The following ABHD6 variants were observed in gnomAD, a reference collection of about 807,000 sequenced individuals.
ABHD6 encodes the protein monoacylglycerol lipase ABHD6.
ABHD6 carries 33 observed loss-of-function variants against 38.8 expected under a neutral mutation model. That is an observed-to-expected ratio of 0.85 (90% CI 0.64 to 1.14). The LOEUF is 1.14. Among genes scored for constraint, ABHD6 ranks in the 50% most tolerant of loss-of-function variants. The pLI is 0.00. For missense variants in ABHD6, 380 were observed against 422.6 expected (o/e 0.90, Z 0.88); for synonymous variants, 147 against 161.6 (o/e 0.91, Z 0.69).
chr3:58,245,827 A>G lies in ABHD6; in HGVS notation c.-90-4051A>G, dbSNP rs66487457. Among the ~76,000 whole-genome samples the G allele has an allele frequency of 5.6e-3, 851 of 150,992 alleles. 5 individuals carry two copies. Among genetic ancestry groups the G allele is most frequent in the African/African-American group, 0.019 (778 of 41,058 alleles). On this transcript the variant is annotated intron_variant, in intron 1 of 9. Coordinates refer to ENST00000478253, the MANE Select transcript of ABHD6 (RefSeq NM_001320126.2). ...AGGAGAGAGAAGAAAGAAAGAAAGA[A>G]AAAGAAAGAAAGAACAAAAAAAGAA... is the stretch of plus-strand genomic sequence containing the variant.
At chr3:58,241,327 T>G in intron 1 of ABHD6, among the ~76,000 whole-genome samples, 1 of 152,172 alleles carries the variant, frequency 6.6e-6, no homozygotes, top group Non-Finnish European at 1.5e-5. Flanking sequence ...TATTTGACGC[T>G]TCCCAATCCT....
rs573639854 is a variant in ABHD6 at position 58,290,700 on chromosome 3, G to A, written c.838-2889G>A. On this transcript the variant is annotated intron_variant, in intron 9 of 9. Transcript: ENST00000478253. The stretch of plus-strand genomic sequence containing the variant: ...CAGAGACGCTTCTCACCTCCCAGAC[G>A]GGGTCGCGGCCGGGCAGAGGCGCTC... 1.5e-3 allele frequency among the ~76,000 whole-genome samples: 233 copies of A among 151,800 alleles called. 4 individuals carry two copies. In the South Asian group the frequency reaches 0.025, roughly 17 times the overall value.
chr3:58,280,254 A>G (rs1325115239), intron 7 of ABHD6, among the ~76,000 whole-genome samples: 1 of 152,164 alleles, frequency 6.6e-6, no homozygotes, highest in African/African-American at 2.4e-5. Flanking sequence ...GTATTTTCAC[A>G]TAGTCCCGTA....
rs994972109 is a variant in ABHD6 at position 58,262,117 on chromosome 3, A to T, written c.120-5072A>T. Among the ~76,000 whole-genome samples the T allele has an allele frequency of 1.8e-4, 27 of 152,334 alleles. No homozygotes were observed. In the South Asian group the frequency reaches 4.3e-3, roughly 25 times the overall value. ...AAAAGGACAAATTTTGTATGATTCC[A>T]CTTTTACCCAGAATAGACAAACTCA... On this transcript the variant is annotated intron_variant, in intron 3 of 9. Transcript: ENST00000478253.
At position 58,293,257 on chromosome 3, in the gene ABHD6, A is replaced by T. The variant is rs2097464601; in HGVS notation, c.838-332A>T. Among the ~76,000 whole-genome samples, 3 of 152,084 alleles carry T rather than the reference A, an allele frequency of 2.0e-5. No homozygotes were observed. Among genetic ancestry groups the T allele is most frequent in the African/African-American group, 7.2e-5 (3 of 41,406 alleles). ...TCTGCTCTCCCGGGACTCAGGAACG[A>T]GGTCTTCCCTCGACCCTGCTCATCC... On this transcript the variant is annotated intron_variant, in intron 9 of 9. Coordinates refer to ENST00000478253, the MANE Select transcript of ABHD6 (RefSeq NM_001320126.2). This position sits in a 1 kb window ranked among gnomAD's most constrained non-coding sequence, Gnocchi z 4.4.
At position 58,247,183 on chromosome 3, in the gene ABHD6, AGT is replaced by A. The variant is rs540687354; in HGVS notation, c.-90-2694_-90-2693del. On this transcript the variant is annotated intron_variant, in intron 1 of 9. Transcript: ENST00000478253. ...ACGCCTGGCTAATTTTTGTATTTTT[AGT>A]AGAGGTGGGGTCTTGCTATGTTGCC... Among the ~76,000 whole-genome samples, 21 of 151,796 alleles carry A rather than the reference AGT, an allele frequency of 1.4e-4. No individual in the cohort carries two copies. The East Asian group carries it at 4.1e-3, about 30-fold the overall frequency.
At position 58,285,117 on chromosome 3, in the gene ABHD6, TCA is replaced by T; in HGVS notation, c.715_716del (p.His239Ter). ...AAGGCCTTGTCGATGTCCGCATCCC[TCA>T]TAACAACTTCTACCGAAAGTGTAAG... is the stretch of plus-strand genomic sequence containing the variant. ...LQGLVDVRIP[H>X]NNFYRKLFLE... On this transcript the variant is annotated frameshift_variant, in exon 8 of 10. Coordinates refer to ENST00000478253, the MANE Select transcript of ABHD6 (RefSeq NM_001320126.2). LOFTEE classifies it high-confidence loss of function. The surrounding 1 kb of genome is among the most constrained non-coding windows in gnomAD (Gnocchi z 4.9). 6.2e-7 allele frequency: 1 copy of T among 1,614,212 alleles called. No individual in the cohort carries two copies. Among genetic ancestry groups the T allele is most frequent in the Non-Finnish European group, 8.5e-7 (1 of 1,180,028 alleles).
At chr3:58,255,052 T>C (rs1213127893) in intron 2 of ABHD6, among the ~76,000 whole-genome samples, 1 of 152,088 alleles carries the variant, frequency 6.6e-6, no homozygotes, top group African/African-American at 2.4e-5. Flanking sequence ...GAATGAACTG[T>C]ATTATAAGCT....
chr3:58,274,507 C>T (rs906079988), intron 6 of ABHD6, 151 bp from the exon 7 acceptor site: 14 of 770,640 alleles, frequency 1.8e-5, no homozygotes, highest in Non-Finnish European at 2.8e-5. Context: ...TTGATTTGAG[C>T]AAGGATGGCA....
rs916096205 is a variant in ABHD6, at chr3:58,251,089, G to GC, written c.-26+1148dup. On this transcript the variant is annotated intron_variant, in intron 2 of 9. Coordinates refer to ENST00000478253, the MANE Select transcript of ABHD6 (RefSeq NM_001320126.2). The surrounding 1 kb of genome is among the most constrained non-coding windows in gnomAD (Gnocchi z 5.4). ...AATCCCAGCACTTTGGGAGGCCGAG[G>GC]CGGGGGGGATCACCTGAGGTCAGGA... Among the ~76,000 whole-genome samples, 2 of 151,630 alleles carry GC rather than the reference G, an allele frequency of 1.3e-5. No homozygotes were observed. The highest frequency in any genetic ancestry group is 4.9e-5 in the African/African-American group (2 of 40,988).
chr3:58,256,076 A>AACACAC lies in ABHD6; in HGVS notation c.-25-458_-25-453dup, dbSNP rs769155755. Among the ~76,000 whole-genome samples, 305 of 65,550 alleles carry AACACAC rather than the reference A, an allele frequency of 4.7e-3. 2 individuals are homozygous for AACACAC. The highest frequency in any genetic ancestry group is 0.018 in the African/African-American group (177 of 9,830). 43.0% of individuals were successfully genotyped at this position (65,550 alleles called of 152,430 possible). A position where few individuals can be genotyped will look rare whatever the true frequency, so the allele number is the denominator to read the frequency against. ...TATTTCTCTCTCTTTTCCTCCCACC[A>AACACAC]ACACACACACACACACACACACACA... On this transcript the variant is annotated intron_variant, in intron 2 of 9. Coordinates refer to ENST00000478253, the MANE Select transcript of ABHD6 (RefSeq NM_001320126.2). This position sits in a 1 kb window ranked among gnomAD's most constrained non-coding sequence, Gnocchi z 4.3.
chr3:58,283,750 G>A (rs986134672), intron 7 of ABHD6, among the ~76,000 whole-genome samples: 2 of 152,180 alleles, frequency 1.3e-5, no homozygotes, highest in African/African-American at 4.8e-5. Flanking sequence ...TAGATAGGTA[G>A]ACAAATGCAT....
rs140661429 is a variant in ABHD6, at chr3:58,282,503, G to A, written c.682-2582G>A. On this transcript the variant is annotated intron_variant, in intron 7 of 9. Coordinates refer to ENST00000478253, the MANE Select transcript of ABHD6 (RefSeq NM_001320126.2). The stretch of plus-strand genomic sequence containing the variant: ...TCCCAGCACTTTGGGAGGCCAAGGC[G>A]GGTGGATTGTGTAAATGCAGGAGTT... Among the ~76,000 whole-genome samples the A allele has an allele frequency of 4.1e-3, 623 of 152,264 alleles. 5 individuals are homozygous for A. Among genetic ancestry groups the A allele is most frequent in the African/African-American group, 0.014 (571 of 41,554 alleles).
At chr3:58,248,098 G>A (rs956801855) in intron 1 of ABHD6, among the ~76,000 whole-genome samples, 4 of 152,102 alleles carry the variant, frequency 2.6e-5, no homozygotes, top group African/African-American at 9.7e-5. Flanking sequence ...TTCAGTGTTA[G>A]GGTATTACTC....
chr3:58,288,486 CTAT>C (rs1374935712), intron 9 of ABHD6, among the ~76,000 whole-genome samples: 3 of 152,212 alleles, frequency 2.0e-5, no homozygotes, highest in Non-Finnish European at 4.4e-5. Context: ...GACAGACAGG[CTAT>C]TATTCTTTAT....
chr3:58,286,838 G>GTATATATATATATA (rs2097457361), intron 9 of ABHD6, among the ~76,000 whole-genome samples: 1 of 37,658 alleles, frequency 2.7e-5, no homozygotes, highest in South Asian at 1.5e-3. Context: ...GTGTGTGTGT[G>GTATATATATATATA]TGTGTGTGTG....
chr3:58,252,505 C>T (rs929239596), intron 2 of ABHD6, among the ~76,000 whole-genome samples: 2 of 152,086 alleles, frequency 1.3e-5, no homozygotes, highest in Non-Finnish European at 2.9e-5. Context: ...TGAGCCACCA[C>T]GCCCAGCTGT....
At chr3:58,254,649 G>T (rs2097432010) in intron 2 of ABHD6, among the ~76,000 whole-genome samples, 2 of 152,106 alleles carry the variant, frequency 1.3e-5, no homozygotes, top group South Asian at 4.1e-4. Context: ...TTTTCTTGAA[G>T]AAATCTGTAT....
chr3:58,291,116 T>C (rs1049114657), intron 9 of ABHD6, among the ~76,000 whole-genome samples: 4 of 150,988 alleles, frequency 2.6e-5, no homozygotes, highest in East Asian at 2.0e-4. Flanking sequence ...CCAGACACCG[T>C]CTGCAATCCC....
Sources: gnomAD v4.1 joint callset for allele counts (sites outside exome capture counted in the v4.1 genomes callset) on GRCh38, gnomAD v4.1.1 for gene constraint, Gnocchi (gnomAD v3.1) non-coding constraint, MANE v1.5 for transcripts, NCBI Gene and HGNC (gene_info 2026-07-23, HGNC 2026-07-21) for gene names.